The following IRAG2 variants were observed in gnomAD, a reference collection of about 807,000 sequenced individuals.
IRAG2 encodes inositol 1,4,5-triphosphate receptor associated 2.
A neutral mutation model predicts 69.9 loss-of-function variants in IRAG2; 45 were observed. That is an observed-to-expected ratio of 0.64 (90% CI 0.51 to 0.83). The LOEUF (loss-of-function observed/expected upper bound fraction) is 0.83, where lower values mean the gene tolerates loss of function less well. Among genes scored for constraint, IRAG2 ranks in the 40% least tolerant of loss-of-function variants. IRAG2 has a pLI of 0.00. For synonymous variants in IRAG2, 193 were observed against 202.4 expected (o/e 0.95, Z 0.40); for missense variants, 520 against 587.0 (o/e 0.89, Z 1.18).
At chr12:25,088,209 T>C in intron 11 of IRAG2, 52 bp downstream of exon 11, 1 of 1,428,226 alleles carries the variant, frequency 7.0e-7, no homozygotes, top group Non-Finnish European at 9.9e-7. Flanking sequence ...TCTGCTGATA[T>C]TTTTGTGGGT....
upstream of IRAG2, among the ~76,000 whole-genome samples, chr12:25,002,606 A>C (rs1944399074): frequency 1.3e-5 from 2 of 151,894 alleles, no homozygotes; most frequent in South Asian, 4.2e-4. Context: ...AGTGTATTTT[A>C]GACTTCACGT....
In IRAG2 at chr12:25,103,897, A is replaced by G. The variant is rs760445849; in HGVS notation, c.994A>G (p.Met332Val). Reference sequence around the variant, plus strand: ...ACCCAGAAATATTGGAAATGCAGGAATGGTAAGACAATTCCTAAGTGTTCT... The same window carrying G: ...ACCCAGAAATATTGGAAATGCAGGAGTGGTAAGACAATTCCTAAGTGTTCT... ...SLPRNIGNAG[M>V]VAGMENNDRF... The change falls in exon 18 of 22, where the codon ATG (methionine) becomes GTG (valine). Residue 332 changes from methionine to valine, a missense_variant and splice_region_variant. Transcript: ENST00000556887. 1 of 1,612,712 alleles carries G rather than the reference A, an allele frequency of 6.2e-7. No homozygotes were observed. The highest frequency in any genetic ancestry group is 8.5e-7 in the Non-Finnish European group (1 of 1,178,842).
chr12:25,039,651 C>G lies in IRAG2; in HGVS notation c.2144+1514C>G, dbSNP rs566146057. Among the ~76,000 whole-genome samples, 18 of 152,270 alleles carry G rather than the reference C, an allele frequency of 1.2e-4. 1 individual carries two copies. The highest frequency in any genetic ancestry group is 4.3e-4 in the African/African-American group (18 of 41,572). On this transcript the variant is annotated intron_variant, in intron 16 of 38. Transcript: ENST00000636465. ...TTCACCATGTTAACCAGGATGGTCT[C>G]GATCTCCTGACCTCGTGATCCGCCC...
At chr12:25,053,964 G>A (rs1945050517) in intron 1 of IRAG2, among the ~76,000 whole-genome samples, 1 of 152,086 alleles carries the variant, frequency 6.6e-6, no homozygotes, top group Admixed American at 6.6e-5. Flanking sequence ...GGACACAGTG[G>A]CTCACCCCTG....
chr12:25,097,167 TGC>T, intron 15 of IRAG2, 123 bp downstream of exon 15: 6 of 875,618 alleles, frequency 6.9e-6, no homozygotes, highest in Non-Finnish European at 1.0e-5. Flanking sequence ...ATAAGACATA[TGC>T]GTTTAATACA....
Position 25,107,883 on chromosome 12 carries a change from C to T in IRAG2, c.1323C>T (p.Leu441=). The change falls in exon 22 of 22, where the codon CTC becomes CTT. Residue 441 remains leucine, a synonymous_variant. Coordinates refer to ENST00000556887, the MANE Select transcript of IRAG2 (RefSeq NM_001366544.2). ...KSSIRKANKA[L]WLSIAFIVLF... ...CCATCAGAAAGGCTAATAAGGCCCTCTGGCTCTCTATTGCATTCATTGTAC... is the reference window on the plus strand; with the variant it reads ...CCATCAGAAAGGCTAATAAGGCCCTTTGGCTCTCTATTGCATTCATTGTAC... 1 of 1,614,212 alleles carries T rather than the reference C, an allele frequency of 6.2e-7. No homozygotes were observed. The highest frequency in any genetic ancestry group is 1.1e-5 in the South Asian group (1 of 91,090).
At chr12:25,020,297 A>G (rs1944567634) in intron 6 of IRAG2, among the ~76,000 whole-genome samples, 2 of 152,192 alleles carry the variant, frequency 1.3e-5, no homozygotes, top group South Asian at 2.1e-4. Flanking sequence ...TTTATAGAAT[A>G]TGTCATATAG....
intron 9 of IRAG2, among the ~76,000 whole-genome samples, chr12:25,082,252 G>A (rs968317044): frequency 2.0e-5 from 3 of 152,060 alleles, no homozygotes; most frequent in East Asian, 1.9e-4. Flanking sequence ...ACATTTTTAC[G>A]CTTTTTGATT....
chr12:25,059,810 A>C (rs992828580), intron 1 of IRAG2, among the ~76,000 whole-genome samples: 5 of 152,192 alleles, frequency 3.3e-5, no homozygotes, highest in South Asian at 2.1e-4. Flanking sequence ...TAAAATAAAA[A>C]ATTTACATAG....
chr12:25,100,071 A>G (rs1437512323), intron 15 of IRAG2, among the ~76,000 whole-genome samples: 1 of 151,884 alleles, frequency 6.6e-6, no homozygotes, highest in Non-Finnish European at 1.5e-5. Flanking sequence ...AGATACACAA[A>G]TGGTCAATAA....
chr12:25,066,939 C>A (rs1369145175), intron 5 of IRAG2, among the ~76,000 whole-genome samples: 1 of 152,004 alleles, frequency 6.6e-6, no homozygotes, highest in East Asian at 1.9e-4. Context: ...TGTGAGCCAC[C>A]ACGCCCAGCC....
intron 16 of IRAG2, among the ~76,000 whole-genome samples, chr12:25,040,039 C>T (rs948252708): frequency 1.3e-5 from 2 of 152,146 alleles, no homozygotes; most frequent in Non-Finnish European, 2.9e-5. Flanking sequence ...CTCCCACCAT[C>T]GACTTGTTAA....
chr12:25,035,730 A>C (rs552969427), exon 14 of IRAG2: 1 of 398,930 alleles, frequency 2.5e-6, no homozygotes, highest in East Asian at 3.6e-5. Context: ...AAATGCTGCT[A>C]TTACTAAGAG....
intron 3 of IRAG2, among the ~76,000 whole-genome samples, chr12:25,013,999 C>T (rs1284962776): frequency 4.0e-5 from 6 of 150,308 alleles, no homozygotes; most frequent in African/African-American, 7.3e-5. Flanking sequence ...CTCAGCCTCC[C>T]GAGTAGCTGG....
chr12:25,102,501 G>A lies in IRAG2; in HGVS notation c.933+260G>A, dbSNP rs184414297. 351 of 447,960 alleles carry A rather than the reference G, an allele frequency of 7.8e-4. 4 individuals carry two copies. Among genetic ancestry groups the A allele is most frequent in the South Asian group, 1.6e-3 (64 of 39,280 alleles). The allele number at this position is 447,960 out of a possible 1,614,324, so 27.7% of individuals were successfully genotyped here. A position where few individuals can be genotyped will look rare whatever the true frequency, so the allele number is the denominator to read the frequency against. ...AACTGAAGTTGGAAGTGGGTAACCCGACAATGGCACAGCAGCTTCACAAGA... is the reference window on the plus strand; with the variant it reads ...AACTGAAGTTGGAAGTGGGTAACCCAACAATGGCACAGCAGCTTCACAAGA... On this transcript the variant is annotated intron_variant, in intron 17 of 21. Coordinates refer to ENST00000556887, the MANE Select transcript of IRAG2 (RefSeq NM_001366544.2).
intron 9 of IRAG2, among the ~76,000 whole-genome samples, chr12:25,029,701 A>G (rs564163880): frequency 6.6e-6 from 1 of 151,536 alleles, no homozygotes; most frequent in South Asian, 2.1e-4. Context: ...AGTTTTAGAG[A>G]TGAGAGTCTT....
At position 25,108,037 on chromosome 12, in the gene IRAG2, CA is replaced by C; in HGVS notation, c.1478del (p.His493ProfsTer13). On this transcript the variant is annotated frameshift_variant, in exon 22 of 22. Coordinates refer to ENST00000556887, the MANE Select transcript of IRAG2 (RefSeq NM_001366544.2). LOFTEE classifies it high-confidence loss of function. ...HILWPFTRLR[H>X]NGPPPV is the part of the protein sequence containing the mutation. ...CTTGTGGCCATTTACCAGACTCCGACACAATGGGCCACCACCAGTGTGACAG... is the reference window on the plus strand; with the variant it reads ...CTTGTGGCCATTTACCAGACTCCGACCAATGGGCCACCACCAGTGTGACAG... 6.2e-7 allele frequency: 1 copy of C among 1,613,926 alleles called. No individual in the cohort carries two copies. The highest frequency in any genetic ancestry group is 8.5e-7 in the Non-Finnish European group (1 of 1,179,944).
chr12:25,101,273 G>T lies in IRAG2; in HGVS notation c.837G>T (p.Leu279=). ...YAKEHAELEE[L]KQVLLQNERS... ...AAGAGCACGCTGAATTAGAAGAACTGAAACAGGTTCTTCTGCAGAATGAAA... is the reference window on the plus strand; with the variant it reads ...AAGAGCACGCTGAATTAGAAGAACTTAAACAGGTTCTTCTGCAGAATGAAA... The change falls in exon 16 of 22, where the codon CTG becomes CTT. Residue 279 remains leucine, a synonymous_variant. Transcript: ENST00000556887. 6.2e-7 allele frequency: 1 copy of T among 1,611,496 alleles called. No individual in the cohort carries two copies. Among genetic ancestry groups the T allele is most frequent in the Non-Finnish European group, 8.5e-7 (1 of 1,178,260 alleles).
chr12:25,086,024 C>T (rs772595150), intron 10 of IRAG2, among the ~76,000 whole-genome samples: 1 of 152,078 alleles, frequency 6.6e-6, no homozygotes, highest in Non-Finnish European at 1.5e-5. Context: ...CAGAAGAAAA[C>T]TCAAGTCCTT....
Sources: allele counts gnomAD v4.1 joint callset (sites outside exome capture counted in the v4.1 genomes callset), GRCh38; gene constraint gnomAD v4.1.1; transcripts MANE v1.5; gene names NCBI Gene and HGNC (gene_info 2026-07-23, HGNC 2026-07-21).